Variants in LETM1 observed in about 807,000 individuals in gnomAD.
The protein encoded by LETM1 is leucine zipper and EF-hand containing transmembrane protein 1.
LETM1 carries 50 observed loss-of-function variants against 74.5 expected under a neutral mutation model. The ratio of observed to expected loss-of-function variants is 0.67; its 90% CI spans 0.53 to 0.85. The LOEUF (loss-of-function observed/expected upper bound fraction) is 0.85. LETM1 is among the 40% of genes least tolerant of loss of function. LETM1 has a pLI of 0.00. For missense variants in LETM1, 824 were observed against 967.8 expected (o/e 0.85, Z 1.97); for synonymous variants, 446 against 407.1 (o/e 1.10, Z -1.15).
rs770922073 is a variant in LETM1, at chr4:1,841,825, A to C, written c.144-28T>G. On this transcript the variant is annotated intron_variant, in intron 2 of 13. Coordinates refer to ENST00000302787, the MANE Select transcript of LETM1 (RefSeq NM_012318.3). ...TGAAAAGGGAAGAGTGGAAAACAGT[A>C]GTAAGAGCCAGCACTAGCCTTTGAC... 3.6e-5 allele frequency: 55 copies of C among 1,538,574 alleles called. No homozygotes were observed. In the South Asian group the frequency reaches 6.2e-4, roughly 17 times the overall value.
Position 1,823,751 on chromosome 4 carries a change from C to T in LETM1, c.1225G>A (p.Glu409Lys). The T allele has an allele frequency of 6.2e-7, 1 of 1,613,094 alleles. No individual in the cohort carries two copies. The highest frequency in any genetic ancestry group is 8.5e-7 in the Non-Finnish European group (1 of 1,179,532). Residue 409 changes from glutamate (E) to lysine (K), a missense_variant, in exon 8 of 14, where the codon GAG (glutamate) becomes AAG (lysine). By Grantham distance (56) the Glu-to-Lys change is moderately conservative. Transcript: ENST00000302787. ...AGGATGAGCAGCGATGTGGGGATCT[C>T]CTGATGCAGGTGCAGGTCCAGCCAC... ...KQWLDLHLHQ[E>K]IPTSLLILSR...
At position 1,841,507 on chromosome 4, in the gene LETM1, G is replaced by C; in HGVS notation, c.434C>G (p.Ala145Gly). ...EEGGPVYSPP[A>G]EVVVKKSLGQ... Reference sequence around the variant, plus strand: ...CAGGGACTTCTTCACCACCACCTCTGCGGGGGGGCTGTACACCGGGCCGCC... The same window carrying C: ...CAGGGACTTCTTCACCACCACCTCTCCGGGGGGGCTGTACACCGGGCCGCC... The change falls in exon 3 of 14, where the codon GCA (alanine) becomes GGA (glycine). Residue 145 changes from alanine (A) to glycine (G), a missense_variant. Physicochemically the swap from Ala to Gly is moderately conservative, Grantham distance 60 (BLOSUM62 0). Coordinates refer to ENST00000302787, the MANE Select transcript of LETM1 (RefSeq NM_012318.3). 1 of 1,614,232 alleles carries C rather than the reference G, an allele frequency of 6.2e-7. No individual in the cohort carries two copies. The highest frequency in any genetic ancestry group is 8.5e-7 in the Non-Finnish European group (1 of 1,180,040).
chr4:1,828,316 G>C (rs1475628814), intron 6 of LETM1, among the ~76,000 whole-genome samples: 2 of 117,794 alleles, frequency 1.7e-5, no homozygotes, highest in Non-Finnish European at 3.6e-5. Context: ...GCGGCTGGCC[G>C]GGCAGGGGGG....
At position 1,819,489 on chromosome 4, in the gene LETM1, C is replaced by A. The variant is rs1452199866; in HGVS notation, c.1609-17G>T. The A allele has an allele frequency of 1.9e-6, 3 of 1,607,076 alleles. No homozygotes were observed. Among genetic ancestry groups the A allele is most frequent in the Non-Finnish European group, 2.5e-6 (3 of 1,176,662 alleles). On this transcript the variant is annotated splice_polypyrimidine_tract_variant and intron_variant, in intron 10 of 13. Transcript: ENST00000302787. ...CTCTTCCTCCTGGGATAAAAATGGG[C>A]AAACAACAAAGCCTGAGCCAAGGGA...
intron 11 of LETM1, 28 bp downstream of exon 11, chr4:1,819,310 C>T (rs780782900): frequency 1.9e-6 from 3 of 1,586,342 alleles, no homozygotes; most frequent in Non-Finnish European, 1.7e-6. Flanking sequence ...CTTGCAGTCT[C>T]AGAGTCCAGG....
At chr4:1,823,282 C>T in intron 8 of LETM1, 151 bp from the exon 9 acceptor site, 1 of 1,127,092 alleles carries the variant, frequency 8.9e-7, no homozygotes, top group Non-Finnish European at 1.2e-6. Context: ...GTGCTGCCCG[C>T]AATTGCTGGG....
chr4:1,834,326 G>C lies in LETM1; in HGVS notation c.876+519C>G. 1 of 933,188 alleles carries C rather than the reference G, an allele frequency of 1.1e-6. No homozygotes were observed. Among genetic ancestry groups the C allele is most frequent in the Non-Finnish European group, 1.3e-6 (1 of 781,848 alleles). The allele number at this position is 933,188 out of a possible 1,614,324, so 57.8% of individuals were successfully genotyped here. On this transcript the variant is annotated intron_variant, in intron 5 of 13. Coordinates refer to ENST00000302787, the MANE Select transcript of LETM1 (RefSeq NM_012318.3). This position sits in a 1 kb window ranked among gnomAD's most constrained non-coding sequence, Gnocchi z 5.0. The stretch of plus-strand genomic sequence containing the variant: ...TCGTGAACCCCATCTAGTCCTCAGG[G>C]ATCTCGGTCCGTGGCAGCTGCCGTC...
At position 1,811,762 on chromosome 4, in the gene LETM1, G is replaced by C. The variant is rs1722476767; in HGVS notation, c.*2662C>G. 1 of 152,376 alleles carries C rather than the reference G, an allele frequency of 6.6e-6. No homozygotes were observed. Among genetic ancestry groups the C allele is most frequent in the Non-Finnish European group, 1.5e-5 (1 of 68,068 alleles). 9.4% of individuals were successfully genotyped at this position (152,376 alleles called of 1,614,324 possible). ...TCTGGACTGTGACACTGCAGAAGGA[G>C]TCTGAAAGCCCAATTCCTGAATCCC... On this transcript the variant is annotated 3_prime_UTR_variant, in exon 14 of 14. Transcript: ENST00000302787.
chr4:1,828,552 G>A (rs1164946542), intron 6 of LETM1, among the ~76,000 whole-genome samples: 15 of 100,896 alleles, frequency 1.5e-4, no homozygotes, highest in South Asian at 6.7e-4. Context: ...CTGGCCGGGC[G>A]GGGGCTGACC....
intron 2 of LETM1, among the ~76,000 whole-genome samples, chr4:1,847,933 T>C (rs546158723): frequency 2.0e-5 from 3 of 150,648 alleles, no homozygotes; most frequent in Non-Finnish European, 3.0e-5. Context: ...GAGGTGGAGA[T>C]TGCAGTGGGC....
chr4:1,819,260 T>C, intron 11 of LETM1, 78 bp downstream of exon 11: 1 of 1,388,426 alleles, frequency 7.2e-7, no homozygotes, highest in South Asian at 1.4e-5. Context: ...GACGGAAGTA[T>C]TATGTATACT....
At chr4:1,845,780 C>T (rs1712863537) in intron 2 of LETM1, among the ~76,000 whole-genome samples, 1 of 152,060 alleles carries the variant, frequency 6.6e-6, no homozygotes, top group South Asian at 2.1e-4. Context: ...CTCCTAACCT[C>T]AAGTGATCTG....
At chr4:1,818,220 T>C (rs544732454) in intron 11 of LETM1, among the ~76,000 whole-genome samples, 1 of 152,224 alleles carries the variant, frequency 6.6e-6, no homozygotes, top group Non-Finnish European at 1.5e-5. Flanking sequence ...AGAACCCACA[T>C]GGCATGAGGG....
At chr4:1,837,184 G>A (rs1712487421) in intron 3 of LETM1, among the ~76,000 whole-genome samples, 1 of 152,186 alleles carries the variant, frequency 6.6e-6, no homozygotes, top group Non-Finnish European at 1.5e-5. Flanking sequence ...GCTGCTCACA[G>A]GGGTCCCTTG....
At chr4:1,849,776 G>C (rs1713006897) in intron 1 of LETM1, among the ~76,000 whole-genome samples, 1 of 152,186 alleles carries the variant, frequency 6.6e-6, no homozygotes, top group African/African-American at 2.4e-5. Context: ...TCCAACTTTT[G>C]GCCTCGAGCG....
intron 10 of LETM1, among the ~76,000 whole-genome samples, chr4:1,820,416 TAAAG>T (rs1026153810): frequency 4.6e-5 from 7 of 152,236 alleles, no homozygotes; most frequent in Non-Finnish European, 7.3e-5. Context: ...CATTTGTGAA[TAAAG>T]AGTTTTCCTT....
At position 1,816,767 on chromosome 4, in the gene LETM1, G is replaced by C; in HGVS notation, c.1891C>G (p.Gln631Glu). Residue 631 changes from glutamine to glutamate, a missense_variant, in exon 12 of 14, where the codon CAG becomes GAG. By Grantham distance (29) the Gln-to-Glu change is conservative (BLOSUM62 2). This residue lies in a region of LETM1 where 161 missense variants were observed against 252.7 expected (regional missense o/e 0.64). Coordinates refer to ENST00000302787, the MANE Select transcript of LETM1 (RefSeq NM_012318.3). ...TTGGCCGGGGCCAGCTTGCCAGCCTGCTGGTCCATCTCCAGCTGCGAGATC... is the reference window on the plus strand; with the variant it reads ...TTGGCCGGGGCCAGCTTGCCAGCCTCCTGGTCCATCTCCAGCTGCGAGATC... Reference protein sequence around the residue: ...GLISQLEMDQQAGKLAPANGM... With the variant: ...GLISQLEMDQEAGKLAPANGM... 6.2e-7 allele frequency: 1 copy of C among 1,614,218 alleles called. No individual in the cohort carries two copies. The highest frequency in any genetic ancestry group is 8.5e-7 in the Non-Finnish European group (1 of 1,180,028).
intron 13 of LETM1, among the ~76,000 whole-genome samples, chr4:1,815,427 A>G (rs1711539219): frequency 6.6e-6 from 1 of 152,218 alleles, no homozygotes; most frequent in Non-Finnish European, 1.5e-5. Context: ...GGACATGCGT[A>G]GCCACTAGGT....
intron 3 of LETM1, among the ~76,000 whole-genome samples, chr4:1,837,237 C>T (rs1712489224): frequency 6.6e-6 from 1 of 152,166 alleles, no homozygotes; most frequent in Admixed American, 6.5e-5. Flanking sequence ...TGCGTTTCCA[C>T]TGGCAACAAG....
Sources: allele counts gnomAD v4.1 joint callset (sites outside exome capture counted in the v4.1 genomes callset), GRCh38; gene constraint gnomAD v4.1.1; regional missense constraint gnomAD v4.1.1; non-coding constraint Gnocchi (gnomAD v3.1); transcripts MANE v1.5; gene names NCBI Gene and HGNC (gene_info 2026-07-23, HGNC 2026-07-21).